The following ADCY1 variants were observed in gnomAD, a reference collection of about 807,000 sequenced individuals.
The protein encoded by ADCY1 is adenylate cyclase 1, also known as adenylate cyclase type 1.
ADCY1 carries 28 observed loss-of-function variants against 105.4 expected under a neutral mutation model. The ratio of observed to expected loss-of-function variants is 0.27; its 90% confidence interval spans 0.20 to 0.36. The LOEUF (loss-of-function observed/expected upper bound fraction) is 0.36, where lower values mean the gene tolerates loss of function less well. ADCY1 is among the 10% of genes least tolerant of loss of function. The probability of loss-of-function intolerance (pLI) is 1.00; values close to 1 mark genes in which losing one functional copy is unlikely to be tolerated. For synonymous variants in ADCY1, 655 were observed against 623.8 expected (o/e 1.05, Z -0.75); for missense variants, 977 against 1,434.2 (o/e 0.68, Z 5.15).
At position 45,660,189 on chromosome 7, in the gene ADCY1, C is replaced by T; in HGVS notation, c.1449+6C>T. 4.3e-6 allele frequency: 7 copies of T among 1,614,042 alleles called. No homozygotes were observed. Among genetic ancestry groups the T allele is most frequent in the East Asian group, 2.2e-5 (1 of 44,882 alleles). ...TGCCATCCCATCGCCGAAAGGTAGG[C>T]ACCAGAGCCCCCCTCATTTGGTTGA... On this transcript the variant is annotated splice_donor_region_variant and intron_variant, in intron 7 of 19. Transcript: ENST00000297323.
rs891170296 is a variant in ADCY1 at position 45,647,616 on chromosome 7, C to T, written c.1021-1054C>T. Reference sequence around the variant, plus strand: ...GGGCATCTGCAGAGATAGCACAGCACGAAGGCTGGATGCAGAAGTGGGTCA... The same window carrying T: ...GGGCATCTGCAGAGATAGCACAGCATGAAGGCTGGATGCAGAAGTGGGTCA... On this transcript the variant is annotated intron_variant, in intron 4 of 19. Transcript: ENST00000297323. The surrounding 1 kb of genome is among the most constrained non-coding windows in gnomAD (Gnocchi z 4.6). 3.9e-5 allele frequency among the ~76,000 whole-genome samples: 6 copies of T among 152,134 alleles called. No individual in the cohort carries two copies. The highest frequency in any genetic ancestry group is 5.9e-5 in the Non-Finnish European group (4 of 68,032).
intron 14 of ADCY1, among the ~76,000 whole-genome samples, chr7:45,695,510 G>T (rs948435131): frequency 1.3e-5 from 2 of 152,198 alleles, no homozygotes; most frequent in Non-Finnish European, 2.9e-5. Context: ...GGTGAGAACT[G>T]TCTCTAGGCA....
chr7:45,685,100 G>T lies in ADCY1; in HGVS notation c.2073+32G>T. 3 of 1,578,040 alleles carry T rather than the reference G, an allele frequency of 1.9e-6. No homozygotes were observed. In the East Asian group the frequency reaches 6.7e-5, roughly 35 times the overall value. On this transcript the variant is annotated intron_variant, in intron 12 of 19. Coordinates refer to ENST00000297323, the MANE Select transcript of ADCY1 (RefSeq NM_021116.4). ...ATCTCCAGCTTGTGGCATGCGCTGG[G>T]GCGGGAGAGGGCATGGCATGGAGGA...
At chr7:45,709,810 G>C (rs931094368) in intron 18 of ADCY1, among the ~76,000 whole-genome samples, 1 of 152,208 alleles carries the variant, frequency 6.6e-6, no homozygotes, top group Non-Finnish European at 1.5e-5. Context: ...TGCCGAGGAC[G>C]GGCCAGGCGT....
rs1252997303 is a variant in ADCY1 at position 45,713,748 on chromosome 7, G to A, written c.3113G>A (p.Arg1038Gln). 3.8e-6 allele frequency: 3 copies of A among 780,836 alleles called. No homozygotes were observed. Among genetic ancestry groups the A allele is most frequent in the Admixed American group, 1.7e-5 (1 of 59,050 alleles). The allele number at this position is 780,836 out of a possible 1,614,324, so 48.4% of individuals were successfully genotyped here. ...AGGTGCCCCTACCACTTTGTGTGCC[G>A]AGGCAAAGTCAGTGTCAAGGGCAAA... The part of the protein sequence containing the change: ...LRRCPYHFVC[R>Q]GKVSVKGKGE... The change falls in exon 20 of 20, where the codon CGA becomes CAA. Residue 1038 changes from arginine (R) to glutamine (Q), a missense_variant. Physicochemically the swap from Arg to Gln is conservative, Grantham distance 43. Around this residue, in one of 7 missense-constraint regions of ADCY1, gnomAD observed 78 missense variants for 60.0 expected, o/e 1.30. Transcript: ENST00000297323.
At chr7:45,713,644 G>T in intron 19 of ADCY1, 49 bp from the exon 20 acceptor site, 1 of 749,322 alleles carries the variant, frequency 1.3e-6, no homozygotes, top group South Asian at 1.5e-5. Context: ...CTTCCCAGAG[G>T]AGTCCCCCTC....
intron 8 of ADCY1, among the ~76,000 whole-genome samples, chr7:45,663,940 G>T (rs939420795): frequency 2.6e-5 from 4 of 152,194 alleles, no homozygotes; most frequent in Admixed American, 6.5e-5. Flanking sequence ...TCGTGCTGTT[G>T]CGGGGAGAGG....
intron 3 of ADCY1, among the ~76,000 whole-genome samples, chr7:45,611,017 G>A (rs1372062879): frequency 7.9e-5 from 12 of 152,082 alleles, no homozygotes; most frequent in Admixed American, 3.3e-4. Flanking sequence ...TGGTGGAGGT[G>A]TGGAGGTGAT....
chr7:45,661,672 C>T (rs1218366196), intron 7 of ADCY1, among the ~76,000 whole-genome samples: 3 of 152,142 alleles, frequency 2.0e-5, no homozygotes, highest in Non-Finnish European at 2.9e-5. Flanking sequence ...CCTCCCCATG[C>T]GATTTCTTTC....
chr7:45,622,168 T>C (rs529070405), intron 3 of ADCY1, among the ~76,000 whole-genome samples: 2 of 152,246 alleles, frequency 1.3e-5, no homozygotes, highest in African/African-American at 4.8e-5. Flanking sequence ...TTGTGAAGCA[T>C]TGACACCACA....
rs1192053256 is a variant in ADCY1, at chr7:45,591,804, C to A, written c.640-955C>A. 6.6e-6 allele frequency among the ~76,000 whole-genome samples: 1 copy of A among 152,176 alleles called. No individual in the cohort carries two copies. Among genetic ancestry groups the A allele is most frequent in the Non-Finnish European group, 1.5e-5 (1 of 68,030 alleles). On this transcript the variant is annotated intron_variant, in intron 1 of 19. Transcript: ENST00000297323. The surrounding 1 kb of genome is among the most constrained non-coding windows in gnomAD (Gnocchi z 4.1). Reference sequence around the variant, plus strand: ...GTGGGAAGTGATTGTGGAGGGGAACCCTGGGTCAGGCTGGCCCCAGGTGCC... The same window carrying A: ...GTGGGAAGTGATTGTGGAGGGGAACACTGGGTCAGGCTGGCCCCAGGTGCC...
chr7:45,670,680 C>G (rs1222903495), intron 8 of ADCY1, among the ~76,000 whole-genome samples: 1 of 151,002 alleles, frequency 6.6e-6, no homozygotes, highest in Non-Finnish European at 1.5e-5. Flanking sequence ...TGGACCTGTG[C>G]CCATCAGCCC....
At chr7:45,609,990 C>T (rs1195836191) in intron 2 of ADCY1, among the ~76,000 whole-genome samples, 1 of 152,130 alleles carries the variant, frequency 6.6e-6, no homozygotes. Flanking sequence ...CTCAGGAGGA[C>T]AGCTTGTTTT....
In ADCY1 at chr7:45,632,258, T is replaced by C. The variant is rs1794277975; in HGVS notation, c.1020+9515T>C. Among the ~76,000 whole-genome samples the C allele has an allele frequency of 2.6e-5, 4 of 152,344 alleles. 1 individual carries two copies. The South Asian group carries it at 8.3e-4, about 32-fold the overall frequency. On this transcript the variant is annotated intron_variant, in intron 4 of 19. Transcript: ENST00000297323. ...TAGTCTGGAATCAGGTCCTGTGCTT[T>C]ATCCAAGTTTATTGTTCTTTTTCAA...
At chr7:45,616,121 A>G (rs187980320) in intron 3 of ADCY1, among the ~76,000 whole-genome samples, 2 of 152,344 alleles carry the variant, frequency 1.3e-5, no homozygotes, top group East Asian at 3.9e-4. Context: ...ACAACCAACC[A>G]AGACTAAGTC....
At chr7:45,711,194 T>C (rs750078988) in intron 19 of ADCY1, among the ~76,000 whole-genome samples, 7 of 152,132 alleles carry the variant, frequency 4.6e-5, no homozygotes, top group Non-Finnish European at 8.8e-5. Context: ...TTGGAACAAA[T>C]TTGAAACTTG....
chr7:45,670,675 C>T (rs994888190), intron 8 of ADCY1, among the ~76,000 whole-genome samples: 3 of 151,958 alleles, frequency 2.0e-5, no homozygotes, highest in Non-Finnish European at 2.9e-5. Context: ...GAGGGTGGAC[C>T]TGTGCCCATC....
Position 45,614,325 on chromosome 7 carries a change from A to G in ADCY1, c.908+3828A>G, listed in dbSNP as rs577155012. Among the ~76,000 whole-genome samples, 39 of 152,344 alleles carry G rather than the reference A, an allele frequency of 2.6e-4. No homozygotes were observed. In the South Asian group the frequency reaches 7.5e-3, roughly 29 times the overall value. ...TTGAACTTAAGTTGTTATCAGCTCAAAATGGACAGTTATAGTTTTTATAAT... is the reference window on the plus strand; with the variant it reads ...TTGAACTTAAGTTGTTATCAGCTCAGAATGGACAGTTATAGTTTTTATAAT... On this transcript the variant is annotated intron_variant, in intron 3 of 19. Transcript: ENST00000297323.
rs143801601 is a variant in ADCY1, at chr7:45,717,329, G to C, written c.*3334G>C. On this transcript the variant is annotated 3_prime_UTR_variant, in exon 20 of 20. Coordinates refer to ENST00000297323, the MANE Select transcript of ADCY1 (RefSeq NM_021116.4). ...CCATCATCAGCAACTCCAAACCCCA[G>C]CCACTTCCTGGGAGTTCAGGAACTG... The C allele has an allele frequency of 1.3e-5, 2 of 152,436 alleles. No individual in the cohort carries two copies. Among genetic ancestry groups the C allele is most frequent in the Admixed American group, 6.5e-5 (1 of 15,276 alleles). 9.4% of individuals were successfully genotyped at this position (152,436 alleles called of 1,614,324 possible).
Sources: allele counts gnomAD v4.1 joint callset (sites outside exome capture counted in the v4.1 genomes callset), GRCh38; gene constraint gnomAD v4.1.1; regional missense constraint gnomAD v4.1.1; non-coding constraint Gnocchi (gnomAD v3.1); transcripts MANE v1.5; gene names NCBI Gene and HGNC (gene_info 2026-07-23, HGNC 2026-07-21).